NOS1AP: variants seen among roughly 807,000 people sequenced by gnomAD.
NOS1AP encodes the protein nitric oxide synthase 1 adaptor protein, also known as carboxyl-terminal PDZ ligand of neuronal nitric oxide synthase protein.
A neutral mutation model predicts 56.2 loss-of-function variants in NOS1AP; 21 were observed. The observed-to-expected ratio is 0.37, with a 90% CI of 0.26 to 0.54. The LOEUF (loss-of-function observed/expected upper bound fraction) is 0.54, where lower values mean the gene tolerates loss of function less well. Among genes scored for constraint, NOS1AP ranks in the 20% least tolerant of loss-of-function variants. NOS1AP has a pLI of 0.84. For synonymous variants in NOS1AP, 270 were observed against 274.6 expected, an observed-to-expected ratio of 0.98 and a Z score of 0.17; for missense variants, 522 against 657.8, an observed-to-expected ratio of 0.79 and a Z score of 2.26.
chr1:162,359,255 C>T (rs1040215358), intron 8 of NOS1AP, among the ~76,000 whole-genome samples: 3 of 152,108 alleles, frequency 2.0e-5, no homozygotes, highest in African/African-American at 7.2e-5. Flanking sequence ...GATCAAAAGG[C>T]CACCATACTG....
chr1:162,299,860 A>G (rs1332285344), intron 3 of NOS1AP, among the ~76,000 whole-genome samples: 3 of 152,142 alleles, frequency 2.0e-5, no homozygotes, highest in Admixed American at 6.5e-5. Flanking sequence ...GAGCCTGGAC[A>G]TGATCTCCCC....
At chr1:162,246,029 G>A (rs1009067682) in intron 2 of NOS1AP, among the ~76,000 whole-genome samples, 2 of 152,154 alleles carry the variant, frequency 1.3e-5, no homozygotes, top group Non-Finnish European at 2.9e-5. Flanking sequence ...CCTAAAGATG[G>A]CAGGCCAGGT....
intron 2 of NOS1AP, among the ~76,000 whole-genome samples, chr1:162,265,029 G>A (rs528365517): frequency 6.6e-6 from 1 of 152,046 alleles, no homozygotes; most frequent in South Asian, 2.1e-4. Flanking sequence ...TGACCAGGCT[G>A]GCCTTGAACT....
At chr1:162,239,508 TGA>T (rs942356713) in intron 2 of NOS1AP, among the ~76,000 whole-genome samples, 1 of 152,228 alleles carries the variant, frequency 6.6e-6, no homozygotes, top group African/African-American at 2.4e-5. Context: ...CTGTGAAGAC[TGA>T]GAGTGAATAT....
chr1:162,273,490 CAGTT>C (rs1345117410), intron 2 of NOS1AP, among the ~76,000 whole-genome samples: 2 of 152,122 alleles, frequency 1.3e-5, no homozygotes, highest in Non-Finnish European at 2.9e-5. Flanking sequence ...GACCTGGGAA[CAGTT>C]AGTTCAGAAT....
At chr1:162,190,356 TA>T (rs5778252) in intron 2 of NOS1AP, among the ~76,000 whole-genome samples, 73,445 of 151,274 alleles carry the variant, frequency 0.49, 20,090 homozygotes, top group East Asian at 0.75. Context: ...ACATTTTTTT[TA>T]AATTTTATTT....
chr1:162,167,682 G>C (rs555272175), intron 2 of NOS1AP, among the ~76,000 whole-genome samples: 1 of 152,220 alleles, frequency 6.6e-6, no homozygotes, highest in Non-Finnish European at 1.5e-5. Flanking sequence ...GGTCTCTCCC[G>C]AGCCGCTAAG....
At chr1:162,359,690 C>T (rs1346488963) in intron 8 of NOS1AP, among the ~76,000 whole-genome samples, 1 of 151,394 alleles carries the variant, frequency 6.6e-6, no homozygotes, top group Admixed American at 6.6e-5. Flanking sequence ...TTGAAATAGA[C>T]CAAGTATAGC....
At chr1:162,352,800 A>G (rs1175493400) in intron 6 of NOS1AP, among the ~76,000 whole-genome samples, 3 of 152,160 alleles carry the variant, frequency 2.0e-5, no homozygotes, top group African/African-American at 4.8e-5. Context: ...GTGCTATTAC[A>G]TTGGGAGCTA....
intron 2 of NOS1AP, among the ~76,000 whole-genome samples, chr1:162,243,880 G>A (rs182386677): frequency 4.7e-4 from 72 of 152,316 alleles, no homozygotes; most frequent in African/African-American, 1.7e-3. Context: ...CTCAAAGGGG[G>A]TGTGAGTGGC....
chr1:162,295,225 G>C (rs1655418183), intron 3 of NOS1AP, among the ~76,000 whole-genome samples: 1 of 152,070 alleles, frequency 6.6e-6, no homozygotes, highest in Admixed American at 6.5e-5. Flanking sequence ...CATCTGAACT[G>C]AAAATGTCCT....
intron 2 of NOS1AP, among the ~76,000 whole-genome samples, chr1:162,200,483 A>T (rs1268340570): frequency 1.3e-5 from 2 of 152,180 alleles, no homozygotes; most frequent in African/African-American, 2.4e-5. Flanking sequence ...AATCTGGCCC[A>T]ATTGCCTGTA....
At chr1:162,190,276 CTAG>C (rs1490282273) in intron 2 of NOS1AP, among the ~76,000 whole-genome samples, 2 of 152,220 alleles carry the variant, frequency 1.3e-5, no homozygotes, top group South Asian at 4.1e-4. Context: ...CTAAACATCT[CTAG>C]TTTTATCAGC....
At chr1:162,273,102 G>A (rs1186191623) in intron 2 of NOS1AP, among the ~76,000 whole-genome samples, 2 of 151,272 alleles carry the variant, frequency 1.3e-5, no homozygotes, top group Admixed American at 1.3e-4. Flanking sequence ...CTTATCTTCT[G>A]AAGCCAGTAT....
chr1:162,346,479 C>A (rs1326034632), intron 6 of NOS1AP, among the ~76,000 whole-genome samples: 1 of 152,004 alleles, frequency 6.6e-6, no homozygotes, highest in Non-Finnish European at 1.5e-5. Flanking sequence ...GAGGTACTAC[C>A]AATTGTATTA....
intron 2 of NOS1AP, among the ~76,000 whole-genome samples, chr1:162,287,115 C>CTAGCTGATG (rs1265488851): frequency 6.6e-6 from 1 of 152,118 alleles, no homozygotes; most frequent in Non-Finnish European, 1.5e-5. Context: ...ATGAGGGTAG[C>CTAGCTGATG]TAGCTGATGG....
chr1:162,279,551 C>A (rs1654851512), intron 2 of NOS1AP, among the ~76,000 whole-genome samples: 1 of 152,220 alleles, frequency 6.6e-6, no homozygotes, highest in African/African-American at 2.4e-5. Flanking sequence ...CAAAGCCCTC[C>A]TTAAGTTCAG....
At chr1:162,191,295 C>G (rs563212657) in intron 2 of NOS1AP, among the ~76,000 whole-genome samples, 3 of 152,204 alleles carry the variant, frequency 2.0e-5, no homozygotes, top group African/African-American at 7.2e-5. Context: ...TCTTCCTGCC[C>G]TGGCCCCACT....
At chr1:162,254,727 A>G (rs570740534) in intron 2 of NOS1AP, among the ~76,000 whole-genome samples, 1 of 152,350 alleles carries the variant, frequency 6.6e-6, no homozygotes, top group East Asian at 1.9e-4. Context: ...GCCATAGTTT[A>G]TAGCATATTA....
Sources: allele counts gnomAD v4.1 joint callset (sites outside exome capture counted in the v4.1 genomes callset), GRCh38; gene constraint gnomAD v4.1.1; transcripts MANE v1.5; gene names NCBI Gene and HGNC (gene_info 2026-07-23, HGNC 2026-07-21).